The following MALRD1 variants were observed in gnomAD, a reference collection of about 807,000 sequenced individuals.
MALRD1 encodes MAM and LDL-receptor class A domain-containing protein 1.
In MALRD1, 247 loss-of-function variants were observed where a neutral mutation model predicts 242.1. The ratio of observed to expected loss-of-function variants is 1.02; its 90% CI spans 0.92 to 1.13. The LOEUF (loss-of-function observed/expected upper bound fraction) is 1.13, where lower values mean the gene tolerates loss of function less well. Ranked by LOEUF, MALRD1 falls within the 50% of genes most tolerant of loss-of-function variation. The probability of loss-of-function intolerance (pLI) is 0.00; values close to 1 mark genes in which losing one functional copy is unlikely to be tolerated. For missense variants in MALRD1, 2,989 were observed against 2,533.1 expected (o/e 1.18, Z -3.86); for synonymous variants, 995 against 866.6 (o/e 1.15, Z -2.60).
intron 28 of MALRD1, among the ~76,000 whole-genome samples, chr10:19,439,196 A>T (rs1834496876): frequency 6.6e-6 from 1 of 152,268 alleles, no homozygotes; most frequent in South Asian, 2.1e-4. Context: ...TCATTGTTAA[A>T]CATTGTTCTG....
intron 28 of MALRD1, among the ~76,000 whole-genome samples, chr10:19,406,020 A>C (rs942781246): frequency 6.6e-6 from 1 of 152,060 alleles, no homozygotes; most frequent in South Asian, 2.1e-4. Context: ...TTGAATGTCA[A>C]CTCTGCCGCT....
At position 19,587,294 on chromosome 10, in the gene MALRD1, C is replaced by G. The variant is rs186694704; in HGVS notation, c.5681-7900C>G. On this transcript the variant is annotated intron_variant, in intron 33 of 39. Coordinates refer to ENST00000454679, the MANE Select transcript of MALRD1 (RefSeq NM_001142308.3). ...TGAATGCTGTTACTAAAATGCCTGC[C>G]AGAGACAGTTACCCATTTGTAACAG... is the stretch of plus-strand genomic sequence containing the variant. Among the ~76,000 whole-genome samples, 31 of 152,304 alleles carry G rather than the reference C, an allele frequency of 2.0e-4. 1 individual carries two copies. Among genetic ancestry groups the G allele is most frequent in the Admixed American group, 1.9e-3 (29 of 15,300 alleles).
At chr10:19,099,908 G>A (rs1264000310) in intron 4 of MALRD1, among the ~76,000 whole-genome samples, 5 of 151,810 alleles carry the variant, frequency 3.3e-5, no homozygotes, top group African/African-American at 1.2e-4. Flanking sequence ...TTACAGGTGT[G>A]TACCACCACA....
intron 38 of MALRD1, among the ~76,000 whole-genome samples, chr10:19,695,519 C>CT (rs10579256): frequency 1.5e-4 from 17 of 117,106 alleles, no homozygotes; most frequent in Non-Finnish European, 2.5e-4. Context: ...GTTTTTCTTT[C>CT]TTTTTTTTTT....
At chr10:19,612,954 A>T (rs996383197) in intron 35 of MALRD1, among the ~76,000 whole-genome samples, 1 of 152,012 alleles carries the variant, frequency 6.6e-6, no homozygotes, top group Non-Finnish European at 1.5e-5. Flanking sequence ...AAACCTTATC[A>T]CTGCTTAACA....
rs1216219926 is a variant in MALRD1 at position 19,381,072 on chromosome 10, A to G, written c.4442-6456A>G. 4.8e-5 allele frequency among the ~76,000 whole-genome samples: 4 copies of G among 83,478 alleles called. No individual in the cohort carries two copies. The Admixed American group carries it at 5.1e-4, about 11-fold the overall frequency. 54.8% of individuals were successfully genotyped at this position (83,478 alleles called of 152,430 possible). A position where few individuals can be genotyped will look rare whatever the true frequency, so the allele number is the denominator to read the frequency against. On this transcript the variant is annotated intron_variant, in intron 26 of 39. Transcript: ENST00000454679. ...TATCCCTCCCCCCTCCCCCCACCCC[A>G]CCACAGTCCCCAGAGTGTGATATTC...
In MALRD1 at chr10:19,630,697, T is replaced by C. The variant is rs547804751; in HGVS notation, c.6137+14774T>C. On this transcript the variant is annotated intron_variant, in intron 36 of 39. Transcript: ENST00000454679. Reference sequence around the variant, plus strand: ...GTCTTTTGCTATTGTTTATGGATTTTATGGTGTCAAGAGAACACAAATTAT... The same window carrying C: ...GTCTTTTGCTATTGTTTATGGATTTCATGGTGTCAAGAGAACACAAATTAT... Among the ~76,000 whole-genome samples the C allele has an allele frequency of 2.6e-3, 399 of 152,246 alleles. 3 individuals are homozygous for C. Among genetic ancestry groups the C allele is most frequent in the Non-Finnish European group, 2.4e-3 (166 of 67,986 alleles).
intron 36 of MALRD1, among the ~76,000 whole-genome samples, chr10:19,660,872 A>T (rs1471767193): frequency 6.6e-6 from 1 of 152,156 alleles, no homozygotes; most frequent in Non-Finnish European, 1.5e-5. Flanking sequence ...TTATTTTTGC[A>T]TGCAGAAAGA....
At chr10:19,324,225 T>A in intron 22 of MALRD1, 120 bp downstream of exon 22, 1 of 960,582 alleles carries the variant, frequency 1.0e-6, no homozygotes, top group Non-Finnish European at 1.5e-6. Flanking sequence ...AACACTTCAC[T>A]AGATTTATAG....
At chr10:19,391,874 A>G (rs1381401082) in intron 28 of MALRD1, among the ~76,000 whole-genome samples, 1 of 152,222 alleles carries the variant, frequency 6.6e-6, no homozygotes, top group Non-Finnish European at 1.5e-5. Context: ...GGACTGCTGG[A>G]TGAAGCAAAA....
intron 26 of MALRD1, among the ~76,000 whole-genome samples, chr10:19,354,507 C>G (rs1344866565): frequency 6.6e-6 from 1 of 152,026 alleles, no homozygotes; most frequent in Non-Finnish European, 1.5e-5. Flanking sequence ...ATTAACCAAC[C>G]TCTCTTTATC....
At chr10:19,561,821 A>G (rs1835980042) in intron 32 of MALRD1, among the ~76,000 whole-genome samples, 1 of 151,712 alleles carries the variant, frequency 6.6e-6, no homozygotes, top group Non-Finnish European at 1.5e-5. Flanking sequence ...ATGGGGTTTT[A>G]TATTTTCCCT....
At chr10:19,634,881 A>G (rs980722412) in intron 36 of MALRD1, among the ~76,000 whole-genome samples, 6 of 152,170 alleles carry the variant, frequency 3.9e-5, no homozygotes, top group Admixed American at 3.3e-4. Context: ...AGAATCAACA[A>G]AAAGTGCTTC....
At chr10:19,171,422 TTATATACATATATATATATATATA>T (rs1175984697) in intron 13 of MALRD1, among the ~76,000 whole-genome samples, 4 of 36,276 alleles carry the variant, frequency 1.1e-4, no homozygotes, top group African/African-American at 3.1e-4. Context: ...ATTTTATATT[TTATATACATATATATATATATATA>T]TATATATATA....
At chr10:19,733,395 C>A (rs376018800) in intron 39 of MALRD1, among the ~76,000 whole-genome samples, 7 of 152,100 alleles carry the variant, frequency 4.6e-5, no homozygotes, top group African/African-American at 7.2e-5. Flanking sequence ...TTTTAAAGGA[C>A]AAGGACTTTT....
chr10:19,602,449 G>T (rs1461917887), intron 34 of MALRD1, among the ~76,000 whole-genome samples: 7 of 145,862 alleles, frequency 4.8e-5, no homozygotes, highest in African/African-American at 1.8e-4. Context: ...CGCGGTGTTT[G>T]TTTTTTTTTC....
At chr10:19,127,365 G>T (rs899016018) in intron 7 of MALRD1, among the ~76,000 whole-genome samples, 1 of 152,114 alleles carries the variant, frequency 6.6e-6, no homozygotes, top group South Asian at 2.1e-4. Context: ...TTTACATTAC[G>T]TTTATGCAGT....
chr10:19,430,952 A>G (rs1834104288), intron 28 of MALRD1, among the ~76,000 whole-genome samples: 1 of 152,208 alleles, frequency 6.6e-6, no homozygotes, highest in Non-Finnish European at 1.5e-5. Flanking sequence ...AGAAAAAAAT[A>G]AATTTATCAT....
chr10:19,520,140 CT>C (rs1421452046), intron 31 of MALRD1, among the ~76,000 whole-genome samples: 1 of 152,132 alleles, frequency 6.6e-6, no homozygotes, highest in South Asian at 2.1e-4. Context: ...GGGTTACTAA[CT>C]TTCCCCCAAC....
Sources: gnomAD v4.1 joint callset for allele counts (sites outside exome capture counted in the v4.1 genomes callset) on GRCh38, gnomAD v4.1.1 for gene constraint, MANE v1.5 for transcripts, NCBI Gene and HGNC (gene_info 2026-07-23, HGNC 2026-07-21) for gene names.